The following TENM2 variants were observed in gnomAD, a reference collection of about 807,000 sequenced individuals.
TENM2 encodes teneurin-2.
A neutral mutation model predicts 245.2 loss-of-function variants in TENM2; 52 were observed. That is an observed-to-expected ratio of 0.21 (90% confidence interval 0.17 to 0.27). The LOEUF (loss-of-function observed/expected upper bound fraction) is 0.27. Among genes scored for constraint, TENM2 ranks in the 10% least tolerant of loss-of-function variants. The probability of loss-of-function intolerance (pLI) is 1.00; values close to 1 mark genes in which losing one functional copy is unlikely to be tolerated. For synonymous variants in TENM2, 1,363 were observed against 1,438.9 expected (o/e 0.95, Z 1.19); for missense variants, 3,046 against 3,666.8 (o/e 0.83, Z 4.37).
intron 4 of TENM2, among the ~76,000 whole-genome samples, chr5:167,960,946 G>C (rs903628280): frequency 2.0e-5 from 3 of 152,222 alleles, no homozygotes; most frequent in African/African-American, 7.2e-5. Flanking sequence ...CCCTTGGCTA[G>C]AGGAGGGAGT....
the TENM2 span, among the ~76,000 whole-genome samples, chr5:167,188,280 T>C: frequency 1.3e-5 from 2 of 152,196 alleles, no homozygotes; most frequent in African/African-American, 4.8e-5. Context: ...TAGAAGGTAG[T>C]CTCGCTAGGC....
intron 2 of TENM2, among the ~76,000 whole-genome samples, 167 bp downstream of exon 4, chr5:167,375,640 A>G (rs1354954212): frequency 6.6e-6 from 1 of 152,212 alleles, no homozygotes; most frequent in Non-Finnish European, 1.5e-5. Flanking sequence ...GCAACCCTCC[A>G]GCACACAAGA....
intron 19 of TENM2, among the ~76,000 whole-genome samples, chr5:168,209,089 G>A (rs539593805): frequency 6.6e-6 from 1 of 152,070 alleles, no homozygotes; most frequent in South Asian, 2.1e-4. Flanking sequence ...AAGAACAGAG[G>A]GATTTTCAGT....
At chr5:167,626,031 A>G (rs991876372) in intron 2 of TENM2, among the ~76,000 whole-genome samples, 1 of 152,136 alleles carries the variant, frequency 6.6e-6, no homozygotes, top group Admixed American at 6.6e-5. Flanking sequence ...AGACCCACCA[A>G]TATTTCTTCC....
At position 168,081,596 on chromosome 5, in the gene TENM2, T is replaced by C. The variant is rs1020665948; in HGVS notation, c.1516-8978T>C. Among the ~76,000 whole-genome samples the C allele has an allele frequency of 2.0e-5, 3 of 152,348 alleles. No homozygotes were observed. In the South Asian group the frequency reaches 6.2e-4, roughly 32 times the overall value. On this transcript the variant is annotated intron_variant, in intron 7 of 28. Transcript: ENST00000518659. ...GTTGTTCCTTTCCATGTTTAGTGCT[T>C]CCTTCAGGAGCTCTTGTAAGGCAGG...
chr5:166,987,431 GT>G, the TENM2 span, among the ~76,000 whole-genome samples: 2 of 151,724 alleles, frequency 1.3e-5, no homozygotes, highest in African/African-American at 4.8e-5. Flanking sequence ...GTGTGTGTGT[GT>G]GTGTGTGTGT....
intron 2 of TENM2, among the ~76,000 whole-genome samples, chr5:167,376,658 TCTTA>T (rs1760771382): frequency 2.6e-5 from 4 of 152,304 alleles, no homozygotes; most frequent in African/African-American, 9.6e-5. Context: ...AGGGGATGTG[TCTTA>T]CTTATGCCTC....
At chr5:166,992,061 T>A in the TENM2 span, among the ~76,000 whole-genome samples, 1 of 4,592 alleles carries the variant, frequency 2.2e-4, no homozygotes, top group Admixed American at 2.7e-3. Flanking sequence ...ATATTCCAAT[T>A]TTTTTTTTTT....
chr5:167,711,864 T>C (rs1227203321), intron 2 of TENM2, among the ~76,000 whole-genome samples: 3 of 152,226 alleles, frequency 2.0e-5, no homozygotes, highest in Non-Finnish European at 4.4e-5. Context: ...AGAGTAACAC[T>C]CTTATTTCAG....
At chr5:168,123,016 G>A (rs888377381) in intron 10 of TENM2, among the ~76,000 whole-genome samples, 8 of 152,096 alleles carry the variant, frequency 5.3e-5, no homozygotes, top group Non-Finnish European at 7.3e-5. Flanking sequence ...TACACCAATG[G>A]CTGGGCATGG....
intron 2 of TENM2, among the ~76,000 whole-genome samples, chr5:167,593,140 G>A (rs192293881): frequency 9.9e-5 from 15 of 152,236 alleles, no homozygotes; most frequent in Admixed American, 4.6e-4. Flanking sequence ...AGCTTCTGAA[G>A]GTATAGTAAC....
intron 2 of TENM2, among the ~76,000 whole-genome samples, chr5:167,842,659 C>A (rs2151161898): frequency 6.8e-6 from 1 of 147,610 alleles, no homozygotes; most frequent in East Asian, 2.1e-4. Flanking sequence ...TATGGCTCTT[C>A]TGCACAAACC....
intron 2 of TENM2, among the ~76,000 whole-genome samples, chr5:167,814,291 C>A (rs1001574508): frequency 2.0e-5 from 3 of 151,932 alleles, no homozygotes; most frequent in African/African-American, 4.8e-5. Context: ...AAGCATCAGT[C>A]CCCAGGATGA....
intron 9 of TENM2, among the ~76,000 whole-genome samples, chr5:168,107,403 C>A (rs150687790): frequency 9.2e-5 from 14 of 152,296 alleles, no homozygotes; most frequent in African/African-American, 2.6e-4. Flanking sequence ...CTCCCAGTCA[C>A]CTCCCACAAT....
chr5:167,009,548 A>G, the TENM2 span, among the ~76,000 whole-genome samples: 779 of 152,318 alleles, frequency 5.1e-3, 7 homozygotes, highest in African/African-American at 0.018. Flanking sequence ...TTGTAGCCCC[A>G]GTGATAGAAT....
In TENM2 at chr5:168,137,849, G is replaced by A. The variant is rs1442980769; in HGVS notation, c.2422+10883G>A. On this transcript the variant is annotated intron_variant, in intron 12 of 28. Coordinates refer to ENST00000518659, the Ensembl canonical transcript of TENM2. ...ATTTAACTTTTTGCTTCCATTTAAT[G>A]GGGCCAAGAAAGATCAGTATCTATT... is the stretch of plus-strand genomic sequence containing the variant. Among the ~76,000 whole-genome samples the A allele has an allele frequency of 2.0e-5, 3 of 152,152 alleles. No individual in the cohort carries two copies. The East Asian group carries it at 5.8e-4, about 29-fold the overall frequency.
At chr5:168,124,430 A>G (rs914239270) in intron 10 of TENM2, among the ~76,000 whole-genome samples, 14 of 152,194 alleles carry the variant, frequency 9.2e-5, no homozygotes, top group Non-Finnish European at 1.6e-4. Context: ...TTTCTCTCTT[A>G]TAGTGAGGGG....
chr5:167,493,770 A>G (rs1035097784), intron 2 of TENM2, among the ~76,000 whole-genome samples: 1 of 152,084 alleles, frequency 6.6e-6, no homozygotes, highest in African/African-American at 2.4e-5. Context: ...TATTCGGCAT[A>G]TATGTTCATA....
intron 2 of TENM2, among the ~76,000 whole-genome samples, chr5:167,603,770 G>A (rs1231036980): frequency 6.6e-6 from 1 of 152,228 alleles, no homozygotes; most frequent in Non-Finnish European, 1.5e-5. Flanking sequence ...CAGTGATGAA[G>A]TTGAGGAGAC....
Sources: allele counts gnomAD v4.1 joint callset (sites outside exome capture counted in the v4.1 genomes callset), GRCh38; gene constraint gnomAD v4.1.1; transcripts MANE v1.5; gene names NCBI Gene and HGNC (gene_info 2026-07-23, HGNC 2026-07-21).